Variants in MOV10L1 observed in about 807,000 individuals in gnomAD.
MOV10L1 encodes RNA helicase Mov10l1.
In MOV10L1, 110 loss-of-function variants were observed where a neutral mutation model predicts 143.8. The observed-to-expected ratio is 0.76, with a 90% CI of 0.66 to 0.90. The LOEUF (loss-of-function observed/expected upper bound fraction) is 0.90. Ranked by LOEUF, MOV10L1 falls within the 40% of genes least tolerant of loss-of-function variation. MOV10L1 has a pLI of 0.00. For synonymous variants in MOV10L1, 593 were observed against 581.1 expected, an observed-to-expected ratio of 1.02 and a Z score of -0.29; for missense variants, 1,406 against 1,526.8, an observed-to-expected ratio of 0.92 and a Z score of 1.32.
chr22:50,160,966 C>T lies in MOV10L1; in HGVS notation c.3465C>T (p.Asp1155=). Residue 1155 remains aspartate, a splice_region_variant and synonymous_variant, in exon 26 of 27, where the codon GAC becomes GAT. Coordinates refer to ENST00000262794, the MANE Select transcript of MOV10L1 (RefSeq NM_018995.3). ...VLGNPHVLVR[D]PCFGALLEYS... ...AGGCTAATTGTTATTGCCAACAGGA[C>T]CCCTGTTTTGGTGCTTTGCTGGAAT... 1 of 1,614,082 alleles carries T rather than the reference C, an allele frequency of 6.2e-7. No homozygotes were observed. The highest frequency in any genetic ancestry group is 1.1e-5 in the South Asian group (1 of 91,082).
intron 13 of MOV10L1, among the ~76,000 whole-genome samples, chr22:50,131,917 C>T (rs1220195983): frequency 1.3e-5 from 2 of 152,192 alleles, no homozygotes; most frequent in East Asian, 1.9e-4. Flanking sequence ...ATGTATTTCT[C>T]ATGCTCTGGA....
Position 50,159,701 on chromosome 22 carries a change from G to A in MOV10L1, c.3240G>A (p.Leu1080=), listed in dbSNP as rs1053811774. The A allele has an allele frequency of 1.2e-6, 2 of 1,611,670 alleles. No homozygotes were observed. The highest frequency in any genetic ancestry group is 1.1e-5 in the South Asian group (1 of 90,874). ...AGGTGGAGAAAATCAGAATTCTTTT[G>A]CGTAATGTTGATCTGATGGATATAA... The part of the protein sequence containing the change: ...RKQVEKIRIL[L]RNVDLMDIKV... The change falls in exon 24 of 27, where the codon TTG becomes TTA. Residue 1080 remains leucine, a synonymous_variant. Transcript: ENST00000262794. This position sits in a 1 kb window ranked among gnomAD's most constrained non-coding sequence, Gnocchi z 4.1.
intron 9 of MOV10L1, among the ~76,000 whole-genome samples, chr22:50,118,219 T>TA (rs1225346087): frequency 6.6e-6 from 1 of 152,206 alleles, no homozygotes; most frequent in Non-Finnish European, 1.5e-5. Context: ...CTTTTAAGGT[T>TA]AGACCATTGT....
rs946160714 is a variant in MOV10L1 at position 50,152,982 on chromosome 22, C to T, written c.2893-63C>T. Reference sequence around the variant, plus strand: ...ACGTTTGCTGTGCAGAGCCGCTTTTCGTTCGACAGAAACTGTGCCGGGTAC... The same window carrying T: ...ACGTTTGCTGTGCAGAGCCGCTTTTTGTTCGACAGAAACTGTGCCGGGTAC... On this transcript the variant is annotated intron_variant, in intron 21 of 26. Transcript: ENST00000262794. This position sits in a 1 kb window ranked among gnomAD's most constrained non-coding sequence, Gnocchi z 4.4. 16 of 1,459,218 alleles carry T rather than the reference C, an allele frequency of 1.1e-5. No individual in the cohort carries two copies. The highest frequency in any genetic ancestry group is 4.2e-5 in the African/African-American group (3 of 71,054). 90.4% of individuals were successfully genotyped at this position (1,459,218 alleles called of 1,614,324 possible).
rs562585517 is a variant in MOV10L1 at position 50,132,967 on chromosome 22, C to T, written c.1911-1040C>T. ...AGGAGAATTGCTTGAACCCAGGAGG[C>T]GGAGGTTGCAGTGAGCCGAGATCAC... is the stretch of plus-strand genomic sequence containing the variant. On this transcript the variant is annotated intron_variant, in intron 13 of 26. Coordinates refer to ENST00000262794, the MANE Select transcript of MOV10L1 (RefSeq NM_018995.3). 4.6e-5 allele frequency among the ~76,000 whole-genome samples: 7 copies of T among 151,574 alleles called. No individual in the cohort carries two copies. The East Asian group carries it at 7.8e-4, about 17-fold the overall frequency.
In MOV10L1 at chr22:50,120,509, A is replaced by G. The variant is rs1242648993; in HGVS notation, c.1462A>G (p.Arg488Gly). Reference sequence around the variant, plus strand: ...TGAACTTAATTTTTTAAGGAACTCAAGACGACAACTTCCAAGTTTTCTTCC... The same window carrying G: ...TGAACTTAATTTTTTAAGGAACTCAGGACGACAACTTCCAAGTTTTCTTCC... The part of the protein sequence containing the change: ...VVVTAQKRNS[R>G]RQLPSFLPQY... Residue 488 changes from arginine to glycine, a missense_variant, in exon 10 of 27, where the codon AGA becomes GGA. Physicochemically the swap from Arg to Gly is moderately radical, Grantham distance 125 (BLOSUM62 -2). This residue lies in a region of MOV10L1 where 1,233 missense variants were observed against 1,351.4 expected (regional missense o/e 0.91). Coordinates refer to ENST00000262794, the MANE Select transcript of MOV10L1 (RefSeq NM_018995.3). The G allele has an allele frequency of 1.1e-5, 17 of 1,607,834 alleles. No homozygotes were observed. In the Admixed American group the frequency reaches 1.2e-4, roughly 11 times the overall value.
Position 50,143,220 on chromosome 22 carries a change from A to AG in MOV10L1, c.2358+1dup, listed in dbSNP as rs779196622. ...GTGACAATAATAGAGGCTGTTTTAC[A>AG]GGTAAGGACAGCGGCGCCGCGGGTG... On this transcript the variant is annotated frameshift_variant and splice_region_variant, in exon 17 of 27. Coordinates refer to ENST00000262794, the MANE Select transcript of MOV10L1 (RefSeq NM_018995.3). LOFTEE classifies it high-confidence loss of function. 6.2e-7 allele frequency: 1 copy of AG among 1,613,954 alleles called. No homozygotes were observed. Among genetic ancestry groups the AG allele is most frequent in the Non-Finnish European group, 8.5e-7 (1 of 1,179,994 alleles).
rs2063492784 is a variant in MOV10L1, at chr22:50,158,960, G to A, written c.3217-718G>A. On this transcript the variant is annotated intron_variant, in intron 23 of 26. Transcript: ENST00000262794. The surrounding 1 kb of genome is among the most constrained non-coding windows in gnomAD (Gnocchi z 5.0). ...AGATTACGAAGGCTTATGGAGACAA[G>A]TAAGTTGCCAGACATCACACAGCCA... The A allele has an allele frequency of 2.0e-5, 3 of 152,236 alleles. No individual in the cohort carries two copies. In the South Asian group the frequency reaches 6.2e-4, roughly 32 times the overall value. The allele number at this position is 152,236 out of a possible 1,614,324, so 9.4% of individuals were successfully genotyped here.
Position 50,115,173 on chromosome 22 carries a change from A to T in MOV10L1, c.1186A>T (p.Met396Leu). Residue 396 changes from methionine (M) to leucine (L), a missense_variant, in exon 8 of 27, where the codon ATG becomes TTG. By Grantham distance (15) the Met-to-Leu change is conservative. This residue lies in a region of MOV10L1 where 1,233 missense variants were observed against 1,351.4 expected (regional missense o/e 0.91). Transcript: ENST00000262794. ...AGACAACATTCTATCAAGGAAGCAG[A>T]TGACAGAGCCTGAGCCTGGGGGGCT... ...EKDNILSRKQ[M>L]TEPEPGGLVP... 1 of 1,570,362 alleles carries T rather than the reference A, an allele frequency of 6.4e-7. No homozygotes were observed. Among genetic ancestry groups the T allele is most frequent in the Non-Finnish European group, 8.6e-7 (1 of 1,165,424 alleles).
At chr22:50,104,882 T>C (rs944115065) in intron 3 of MOV10L1, among the ~76,000 whole-genome samples, 16 of 145,226 alleles carry the variant, frequency 1.1e-4, no homozygotes, top group African/African-American at 4.0e-4. Flanking sequence ...ACACCTTTGA[T>C]TGAGCCTTCT....
chr22:50,117,070 C>A (rs1602206187), intron 8 of MOV10L1, 87 bp from the exon 9 acceptor site: 1 of 1,215,612 alleles, frequency 8.2e-7, no homozygotes. Flanking sequence ...TTAACTCTGT[C>A]ACTTTTCTTG....
In MOV10L1 at chr22:50,090,068, A is replaced by ACGGTG. The variant is rs781400852; in HGVS notation, c.-21_-20insCGGTG. 1.3e-5 allele frequency: 16 copies of ACGGTG among 1,240,662 alleles called. No homozygotes were observed. The East Asian group carries it at 5.3e-4, about 41-fold the overall frequency. The allele number at this position is 1,240,662 out of a possible 1,614,324, so 76.9% of individuals were successfully genotyped here. On this transcript the variant is annotated 5_prime_UTR_variant, in exon 1 of 27. Coordinates refer to ENST00000262794, the MANE Select transcript of MOV10L1 (RefSeq NM_018995.3). Reference sequence around the variant, plus strand: ...GGGCGGCGGCAGCGGCGGTGACGGCAGCCTAGGCCGGGCGAGGGCCATGCT... The same window carrying ACGGTG: ...GGGCGGCGGCAGCGGCGGTGACGGCACGGTGGCCTAGGCCGGGCGAGGGCCATGCT...
At chr22:50,144,933 T>C (rs2063106903) in intron 18 of MOV10L1, among the ~76,000 whole-genome samples, 1 of 151,812 alleles carries the variant, frequency 6.6e-6, no homozygotes, top group Admixed American at 6.6e-5. Flanking sequence ...TAGAGCGAAG[T>C]ATTGCTTTTA....
intron 3 of MOV10L1, among the ~76,000 whole-genome samples, chr22:50,104,182 G>C (rs987218095): frequency 4.6e-5 from 7 of 152,172 alleles, no homozygotes; most frequent in Non-Finnish European, 1.0e-4. Context: ...AGGAGGTGGC[G>C]CTCAGGCTGT....
rs192940435 is a variant in MOV10L1, at chr22:50,127,422, G to A, written c.1819-994G>A. 1.2e-3 allele frequency among the ~76,000 whole-genome samples: 185 copies of A among 152,288 alleles called. 1 individual carries two copies. Among genetic ancestry groups the A allele is most frequent in the African/African-American group, 4.3e-3 (179 of 41,572 alleles). ...TGCACCTGTTCTCAAGTAGACTAAC[G>A]CATGTCTCCTGTGTATAGTCAGGAC... On this transcript the variant is annotated intron_variant, in intron 12 of 26. Transcript: ENST00000262794.
At chr22:50,134,692 A>C (rs2062772417) in intron 15 of MOV10L1, 62 bp downstream of exon 15, 1 of 1,454,016 alleles carries the variant, frequency 6.9e-7, no homozygotes, top group African/African-American at 1.4e-5. Flanking sequence ...GGCTGTCTTT[A>C]CATAGGGGGT....
intron 3 of MOV10L1, among the ~76,000 whole-genome samples, chr22:50,107,736 T>G (rs996523461): frequency 3.9e-5 from 6 of 152,110 alleles, no homozygotes; most frequent in African/African-American, 1.2e-4. Context: ...GACCACTGAG[T>G]GCTTCCCTCA....
At chr22:50,155,282 A>G (rs1181640232) in intron 22 of MOV10L1, among the ~76,000 whole-genome samples, 2 of 135,502 alleles carry the variant, frequency 1.5e-5, no homozygotes, top group Non-Finnish European at 3.1e-5. Context: ...TTTTTTTGAG[A>G]CAGAGTTTTG....
In MOV10L1 at chr22:50,161,516, C is replaced by T. The variant is rs1320418508; in HGVS notation, c.*67C>T. 7 of 1,466,796 alleles carry T rather than the reference C, an allele frequency of 4.8e-6. No individual in the cohort carries two copies. Among genetic ancestry groups the T allele is most frequent in the Admixed American group, 2.1e-5 (1 of 48,778 alleles). The allele number at this position is 1,466,796 out of a possible 1,614,324, so 90.9% of individuals were successfully genotyped here. A position where few individuals can be genotyped will look rare whatever the true frequency, so the allele number is the denominator to read the frequency against. On this transcript the variant is annotated 3_prime_UTR_variant, in exon 27 of 27. Coordinates refer to ENST00000262794, the MANE Select transcript of MOV10L1 (RefSeq NM_018995.3). ...GCCACGTTGCCGTTACAGTCTGCTC[C>T]GTGGCTCCTGTGGCCTGCCCTTGTC...
Sources: allele counts gnomAD v4.1 joint callset (sites outside exome capture counted in the v4.1 genomes callset), GRCh38; gene constraint gnomAD v4.1.1; regional missense constraint gnomAD v4.1.1; non-coding constraint Gnocchi (gnomAD v3.1); transcripts MANE v1.5; gene names NCBI Gene and HGNC (gene_info 2026-07-23, HGNC 2026-07-21).